DNAH14: variants seen among roughly 807,000 people sequenced by gnomAD.
The protein encoded by DNAH14 is dynein axonemal heavy chain 14.
In DNAH14, 478 loss-of-function variants were observed where a neutral mutation model predicts 520.9. That is an observed-to-expected ratio of 0.92 (90% CI 0.85 to 0.99). The LOEUF is 0.99. Ranked by LOEUF, DNAH14 falls within the 50% of genes least tolerant of loss-of-function variation. The probability of loss-of-function intolerance (pLI) is 0.00; values close to 1 mark genes in which losing one functional copy is unlikely to be tolerated. For synonymous variants in DNAH14, 1,581 were observed against 1,757.2 expected (o/e 0.90, Z 2.51); for missense variants, 4,831 against 5,234.5 (o/e 0.92, Z 2.38).
chr1:225,000,949 T>A (rs2063726238), intron 8 of DNAH14, among the ~76,000 whole-genome samples: 1 of 152,156 alleles, frequency 6.6e-6, no homozygotes, highest in African/African-American at 2.4e-5. Flanking sequence ...ATGGAGGCAT[T>A]AAGGGTGCTT....
At chr1:225,352,164 T>C (rs2095373713) in intron 72 of DNAH14, among the ~76,000 whole-genome samples, 1 of 152,316 alleles carries the variant, frequency 6.6e-6, no homozygotes, top group East Asian at 1.9e-4. Flanking sequence ...GAACCTTGAA[T>C]CTGAACAAAC....
At chr1:225,280,774 T>G (rs1418153643) in intron 54 of DNAH14, among the ~76,000 whole-genome samples, 1 of 152,120 alleles carries the variant, frequency 6.6e-6, no homozygotes, top group Non-Finnish European at 1.5e-5. Context: ...GTACTAGGAA[T>G]TCTCAATAAG....
intron 30 of DNAH14, among the ~76,000 whole-genome samples, chr1:225,145,978 G>T (rs2079899545): frequency 1.3e-5 from 2 of 152,124 alleles, no homozygotes; most frequent in African/African-American, 4.8e-5. Context: ...TGTGTTCAAA[G>T]CATATTACCT....
At chr1:225,129,864 C>T (rs2078192948) in intron 27 of DNAH14, among the ~76,000 whole-genome samples, 1 of 152,144 alleles carries the variant, frequency 6.6e-6, no homozygotes, top group Non-Finnish European at 1.5e-5. Flanking sequence ...AAGAAACTAC[C>T]ATCAGAGTGA....
intron 17 of DNAH14, among the ~76,000 whole-genome samples, chr1:225,077,647 G>A (rs1278011954): frequency 6.6e-6 from 1 of 152,182 alleles, no homozygotes; most frequent in African/African-American, 2.4e-5. Flanking sequence ...CCAAAGTACA[G>A]ATGAGGACAA....
chr1:225,023,848 G>A lies in DNAH14; in HGVS notation c.1341G>A (p.Lys447=). The A allele has an allele frequency of 6.5e-7, 1 of 1,530,806 alleles. No individual in the cohort carries two copies. The highest frequency in any genetic ancestry group is 8.8e-7 in the Non-Finnish European group (1 of 1,136,462). The allele number at this position is 1,530,806 out of a possible 1,614,324, so 94.8% of individuals were successfully genotyped here. The change falls in exon 11 of 86, where the codon AAG becomes AAA. Residue 447 remains lysine (K), a synonymous_variant. Transcript: ENST00000682510. The part of the protein sequence containing the change: ...SAGMPFSVEK[K]NENLIRTFKD... ...GAATGCCATTTTCAGTGGAAAAAAA[G>A]AATGAAAATCTTATCAGGTAAATTA... is the stretch of plus-strand genomic sequence containing the variant.
At chr1:224,996,319 A>AATT (rs144609234) in intron 8 of DNAH14, among the ~76,000 whole-genome samples, 9 of 127,844 alleles carry the variant, frequency 7.0e-5, no homozygotes, top group Admixed American at 1.4e-4. Context: ...ACATCCACTG[A>AATT]ATTATTATTA....
Position 225,140,935 on chromosome 1 carries a change from G to C in DNAH14, c.4422G>C (p.Leu1474Phe). Reference sequence around the variant, plus strand: ...GAACAAAAGCTATACTAGGGGCATTGCTTATCCTTTATGTTCACTGCAGAG... The same window carrying C: ...GAACAAAAGCTATACTAGGGGCATTCCTTATCCTTTATGTTCACTGCAGAG... ...NSRTKAILGA[L>F]LILYVHCRDI... is the part of the protein sequence containing the mutation. The change falls in exon 28 of 86, where the codon TTG (leucine) becomes TTC (phenylalanine). Residue 1474 changes from leucine to phenylalanine, a missense_variant. Physicochemically the swap from Leu to Phe is conservative, Grantham distance 22 (BLOSUM62 0). Transcript: ENST00000682510. The C allele has an allele frequency of 6.4e-7, 1 of 1,551,368 alleles. No homozygotes were observed. The highest frequency in any genetic ancestry group is 1.4e-5 in the African/African-American group (1 of 73,118).
chr1:225,324,394 G>T, intron 63 of DNAH14, 41 bp downstream of exon 63: 1 of 1,537,130 alleles, frequency 6.5e-7, no homozygotes, highest in South Asian at 1.2e-5. Context: ...ATTTGGAAGT[G>T]GCACATCAAT....
chr1:225,398,543 A>C lies in DNAH14; in HGVS notation c.13515A>C (p.Gly4505=). The change falls in exon 85 of 86, where the codon GGA becomes GGC. Residue 4505 remains glycine (G), a synonymous_variant. Transcript: ENST00000682510. ...AGGGCTCAGCTTCCTCTCACACTGGAGTTTACATTTTTGGTTTATTCATCG... is the reference window on the plus strand; with the variant it reads ...AGGGCTCAGCTTCCTCTCACACTGGCGTTTACATTTTTGGTTTATTCATCG... ...AFKGSASSHT[G]VYIFGLFIEG... is the part of the protein sequence containing the mutation. 1.9e-6 allele frequency: 3 copies of C among 1,551,680 alleles called. No homozygotes were observed. Among genetic ancestry groups the C allele is most frequent in the Non-Finnish European group, 2.6e-6 (3 of 1,146,976 alleles).
chr1:225,307,603 T>G lies in DNAH14; in HGVS notation c.9114+34T>G. 4.1e-6 allele frequency: 6 copies of G among 1,451,938 alleles called. No homozygotes were observed. In the South Asian group the frequency reaches 6.5e-5, roughly 16 times the overall value. The allele number at this position is 1,451,938 out of a possible 1,614,324, so 89.9% of individuals were successfully genotyped here. A position where few individuals can be genotyped will look rare whatever the true frequency, so the allele number is the denominator to read the frequency against. On this transcript the variant is annotated intron_variant, in intron 59 of 85. Transcript: ENST00000682510. Reference sequence around the variant, plus strand: ...GCTTTGAAATCTCTTTTAAAGATTTTATAGTCTAATATAGAACAGTGTTTG... The same window carrying G: ...GCTTTGAAATCTCTTTTAAAGATTTGATAGTCTAATATAGAACAGTGTTTG...
At chr1:225,280,347 C>G (rs545801568) in intron 54 of DNAH14, among the ~76,000 whole-genome samples, 1 of 152,108 alleles carries the variant, frequency 6.6e-6, no homozygotes, top group African/African-American at 2.4e-5. Context: ...CACCTGTAAT[C>G]CCAGCACTTT....
chr1:225,005,870 GTAGA>G (rs1404505549), intron 9 of DNAH14, among the ~76,000 whole-genome samples: 9 of 152,094 alleles, frequency 5.9e-5, no homozygotes, highest in African/African-American at 9.7e-5. Context: ...TCATAGCATA[GTAGA>G]TAGAGATTTC....
At chr1:225,338,407 A>C in intron 68 of DNAH14, 2 of 665,200 alleles carry the variant, frequency 3.0e-6, no homozygotes, top group Non-Finnish European at 2.7e-6. Flanking sequence ...CAAACTGTGC[A>C]TGATAAAATC....
Position 225,290,043 on chromosome 1 carries a change from A to G in DNAH14, c.8430A>G (p.Lys2810=), listed in dbSNP as rs1408447968. ...TTATTCACGCAGGATTAAAAGGGAA[A>G]CCCACTGTTCTGATGGTTCCCAATT... ...KVFIHAGLKG[K]PTVLMVPNLN... The change falls in exon 55 of 86, where the codon AAA becomes AAG. Residue 2810 remains lysine (K), a synonymous_variant. Coordinates refer to ENST00000682510, the MANE Select transcript of DNAH14 (RefSeq NM_001367479.1). 3 of 1,521,262 alleles carry G rather than the reference A, an allele frequency of 2.0e-6. No individual in the cohort carries two copies. The highest frequency in any genetic ancestry group is 1.4e-5 in the African/African-American group (1 of 72,262). The allele number at this position is 1,521,262 out of a possible 1,614,324, so 94.2% of individuals were successfully genotyped here. A position where few individuals can be genotyped will look rare whatever the true frequency, so the allele number is the denominator to read the frequency against.
chr1:225,330,658 G>T (rs556259588), intron 64 of DNAH14, among the ~76,000 whole-genome samples: 155 of 152,298 alleles, frequency 1.0e-3, no homozygotes, highest in Non-Finnish European at 1.6e-3. Flanking sequence ...CAGAGGCTGG[G>T]AAGGGTAGTG....
At chr1:225,209,751 G>A (rs78308576) in intron 41 of DNAH14, among the ~76,000 whole-genome samples, 4,228 of 152,202 alleles carry the variant, frequency 0.028, 82 homozygotes, top group Non-Finnish European at 0.042. Flanking sequence ...AGGTCCCAGC[G>A]AGATCAACGC....
At chr1:225,107,393 T>C (rs2076150968) in intron 23 of DNAH14, among the ~76,000 whole-genome samples, 1 of 152,184 alleles carries the variant, frequency 6.6e-6, no homozygotes, top group Admixed American at 6.5e-5. Context: ...TTTATGAACA[T>C]GTGACTGAAA....
intron 3 of DNAH14, 86 bp downstream of exon 3, chr1:224,955,184 A>C: frequency 7.2e-7 from 1 of 1,387,248 alleles, no homozygotes; most frequent in Non-Finnish European, 1.0e-6. Flanking sequence ...CATTAAATTA[A>C]GGAAACAAGT....
Sources: allele counts gnomAD v4.1 joint callset (sites outside exome capture counted in the v4.1 genomes callset), GRCh38; gene constraint gnomAD v4.1.1; transcripts MANE v1.5; gene names NCBI Gene and HGNC (gene_info 2026-07-23, HGNC 2026-07-21).